The following CLPB variants were observed in gnomAD, a reference collection of about 807,000 sequenced individuals.
The protein encoded by CLPB is mitochondrial disaggregase.
A neutral mutation model predicts 78.4 loss-of-function variants in CLPB; 40 were observed. The ratio of observed to expected loss-of-function variants is 0.51; its 90% CI spans 0.40 to 0.66. The LOEUF (loss-of-function observed/expected upper bound fraction) is 0.66, where lower values mean the gene tolerates loss of function less well. Ranked by LOEUF, CLPB falls within the 30% of genes least tolerant of loss-of-function variation. The pLI is 0.00. For synonymous variants in CLPB, 333 were observed against 348.0 expected (o/e 0.96, Z 0.48); for missense variants, 780 against 886.9 (o/e 0.88, Z 1.53).
chr11:72,375,384 G>C (rs1052622619), intron 4 of CLPB, among the ~76,000 whole-genome samples: 1 of 152,070 alleles, frequency 6.6e-6, no homozygotes, highest in Admixed American at 6.5e-5. Context: ...TTCACTCTCC[G>C]GCCTTATTTC....
In CLPB at chr11:72,287,694, C is replaced by G. The variant is rs1949406276; in HGVS notation, c.*5673G>C. On this transcript the variant is annotated 3_prime_UTR_variant, in exon 16 of 16. Transcript: ENST00000538039. ...TCAAAAAGGATAAAATTTTAACCAC[C>G]TTTCCAGTTTCTTCTTGGGTAACCA... 2 of 152,200 alleles carry G rather than the reference C, an allele frequency of 1.3e-5. No individual in the cohort carries two copies. Among genetic ancestry groups the G allele is most frequent in the African/African-American group, 4.8e-5 (2 of 41,432 alleles). 9.4% of individuals were successfully genotyped at this position (152,200 alleles called of 1,614,324 possible). A position where few individuals can be genotyped will look rare whatever the true frequency, so the allele number is the denominator to read the frequency against.
intron 2 of CLPB, among the ~76,000 whole-genome samples, chr11:72,428,088 A>G (rs1856439392): frequency 6.6e-6 from 1 of 152,114 alleles, no homozygotes; most frequent in Admixed American, 6.5e-5. Context: ...GGTGGGTTAC[A>G]TGTCTGTTTC....
intron 2 of CLPB, among the ~76,000 whole-genome samples, chr11:72,411,035 A>G (rs1855861987): frequency 6.6e-6 from 1 of 152,156 alleles, no homozygotes; most frequent in South Asian, 2.1e-4. Context: ...CCCTGTGCTA[A>G]CCTGTATCAA....
intron 4 of CLPB, among the ~76,000 whole-genome samples, chr11:72,370,119 T>C (rs1240721392): frequency 6.6e-6 from 1 of 152,228 alleles, no homozygotes. Context: ...TAATATATTT[T>C]GTGTGGTGTG....
chr11:72,309,315 C>T (rs543436621), intron 7 of CLPB, among the ~76,000 whole-genome samples: 4 of 152,234 alleles, frequency 2.6e-5, no homozygotes, highest in Admixed American at 6.5e-5. Context: ...ACCTGACCTC[C>T]TCTTCAAGAG....
intron 3 of CLPB, among the ~76,000 whole-genome samples, chr11:72,381,461 C>T (rs984893204): frequency 2.6e-5 from 4 of 152,242 alleles, no homozygotes; most frequent in Admixed American, 2.0e-4. Flanking sequence ...AGGCCAGCCC[C>T]AGCAGTCATG....
chr11:72,354,597 C>G (rs1950673983), intron 5 of CLPB: 1 of 353,942 alleles, frequency 2.8e-6, no homozygotes, highest in African/African-American at 2.1e-5. Flanking sequence ...CTCTTCCCCA[C>G]CTTCCTCCCT....
At chr11:72,407,452 C>T (rs982366917) in intron 2 of CLPB, among the ~76,000 whole-genome samples, 5 of 152,144 alleles carry the variant, frequency 3.3e-5, no homozygotes, top group Admixed American at 6.5e-5. Flanking sequence ...CGCATGTTTG[C>T]ATTTCGGGAT....
At chr11:72,297,114 G>A (rs1020624917) in intron 11 of CLPB, among the ~76,000 whole-genome samples, 2 of 152,160 alleles carry the variant, frequency 1.3e-5, no homozygotes, top group African/African-American at 4.8e-5. Context: ...AGGTGCTAGG[G>A]AGGAGATCTA....
rs149412873 is a variant in CLPB at position 72,394,820 on chromosome 11, C to T, written c.542+8146G>A. Among the ~76,000 whole-genome samples, 394 of 152,284 alleles carry T rather than the reference C, an allele frequency of 2.6e-3. 2 individuals carry two copies. The highest frequency in any genetic ancestry group is 9.0e-3 in the African/African-American group (375 of 41,546). On this transcript the variant is annotated intron_variant, in intron 3 of 15. Transcript: ENST00000538039. ...CGGTGCTGGCATTCTGGGCACTTGG[C>T]CAGCACCCTCACCCATCCTTCCTTG...
chr11:72,409,825 A>G (rs1855822765), intron 2 of CLPB, among the ~76,000 whole-genome samples: 1 of 151,842 alleles, frequency 6.6e-6, no homozygotes, highest in Non-Finnish European at 1.5e-5. Context: ...TAAATATACA[A>G]AATTAGCTGG....
At chr11:72,355,994 G>C (rs955300261) in intron 5 of CLPB, among the ~76,000 whole-genome samples, 1 of 152,086 alleles carries the variant, frequency 6.6e-6, no homozygotes, top group Non-Finnish European at 1.5e-5. Context: ...TAAGAAAACC[G>C]GATGGGGCTG....
chr11:72,432,352 A>ACATTT (rs751978448), intron 1 of CLPB, among the ~76,000 whole-genome samples: 2 of 152,180 alleles, frequency 1.3e-5, no homozygotes, highest in Non-Finnish European at 2.9e-5. Context: ...AAGAGAAGAT[A>ACATTT]CATTTCCTGC....
chr11:72,425,917 C>T (rs1311575816), intron 2 of CLPB, among the ~76,000 whole-genome samples: 2 of 152,134 alleles, frequency 1.3e-5, no homozygotes, highest in Non-Finnish European at 2.9e-5. Context: ...TGGTCTCCTG[C>T]AGCCCCTGTA....
At chr11:72,430,044 G>C (rs1336601934) in intron 2 of CLPB, among the ~76,000 whole-genome samples, 2 of 152,210 alleles carry the variant, frequency 1.3e-5, no homozygotes, top group Non-Finnish European at 2.9e-5. Context: ...AAAGGATATG[G>C]GGGCTGAAGG....
intron 4 of CLPB, among the ~76,000 whole-genome samples, chr11:72,367,557 A>G (rs1345075707): frequency 3.3e-5 from 5 of 152,128 alleles, no homozygotes; most frequent in Non-Finnish European, 7.3e-5. Context: ...ATGGGTACTC[A>G]TGGACATGAG....
At chr11:72,334,278 A>C (rs1950281385) in intron 5 of CLPB, among the ~76,000 whole-genome samples, 1 of 152,186 alleles carries the variant, frequency 6.6e-6, no homozygotes, top group South Asian at 2.1e-4. Flanking sequence ...TGGGCCAGCC[A>C]GCACAGGGGC....
At chr11:72,304,219 G>A (rs972733562) in intron 9 of CLPB, 70 of 152,334 alleles carry the variant, frequency 4.6e-4, no homozygotes, top group African/African-American at 1.6e-3. Context: ...AACAATAAGA[G>A]TAACATCCAA....
At chr11:72,411,316 G>A (rs1190954402) in intron 2 of CLPB, among the ~76,000 whole-genome samples, 3 of 152,218 alleles carry the variant, frequency 2.0e-5, no homozygotes, top group Non-Finnish European at 1.5e-5. Context: ...ATGTAGGAGG[G>A]TGTGAGTGCA....
Sources: gnomAD v4.1 joint callset for allele counts (sites outside exome capture counted in the v4.1 genomes callset) on GRCh38, gnomAD v4.1.1 for gene constraint, MANE v1.5 for transcripts, NCBI Gene and HGNC (gene_info 2026-07-23, HGNC 2026-07-21) for gene names.